The following KLHDC4 variants were observed in gnomAD, a reference collection of about 807,000 sequenced individuals.
KLHDC4 encodes the protein kelch domain-containing protein 4.
KLHDC4 carries 90 observed loss-of-function variants against 62.4 expected under a neutral mutation model. That is an observed-to-expected ratio of 1.44 (90% CI 1.22 to 1.72). KLHDC4 has a LOEUF of 1.72. Ranked by LOEUF, KLHDC4 falls within the 40% of genes most tolerant of loss-of-function variation. KLHDC4 has a pLI of 0.00. For missense variants in KLHDC4, 1,025 were observed against 699.7 expected (o/e 1.47, Z -5.25); for synonymous variants, 386 against 284.4 (o/e 1.36, Z -3.59).
At chr16:87,753,979 A>G (rs931361358) in intron 4 of KLHDC4, among the ~76,000 whole-genome samples, 12 of 150,836 alleles carry the variant, frequency 8.0e-5, no homozygotes, top group Non-Finnish European at 1.2e-4. Flanking sequence ...TCAAAAAAAA[A>G]AAAAAAAAAA....
intron 5 of KLHDC4, chr16:87,740,789 C>G (rs900608128): frequency 6.6e-6 from 1 of 152,306 alleles, no homozygotes; most frequent in Non-Finnish European, 1.5e-5. Context: ...CTGAGCACAG[C>G]TCCTGCTGTT....
chr16:87,745,702 G>T (rs190089861), intron 5 of KLHDC4, among the ~76,000 whole-genome samples: 1 of 152,192 alleles, frequency 6.6e-6, no homozygotes, highest in African/African-American at 2.4e-5. Context: ...GGGTGGGAGA[G>T]GGCAGGCTGA....
chr16:87,763,086 T>C (rs568962511), intron 1 of KLHDC4, among the ~76,000 whole-genome samples: 4 of 152,284 alleles, frequency 2.6e-5, no homozygotes, highest in South Asian at 4.1e-4. Context: ...TTCTAAACGA[T>C]GCAATATTTA....
exon 1 of KLHDC4, chr16:87,699,328 G>A (rs1255837279): frequency 6.6e-6 from 1 of 152,250 alleles, no homozygotes; most frequent in Non-Finnish European, 1.5e-5. Context: ...TTACCTCACA[G>A]GATTCCCAAA....
exon 1 of KLHDC4, chr16:87,700,939 C>G (rs1250012783): frequency 8.1e-6 from 2 of 246,126 alleles, no homozygotes; most frequent in African/African-American, 4.8e-5. Context: ...TGGTTGGCTT[C>G]TCTCGCGCCC....
In KLHDC4 at chr16:87,730,642, G is replaced by C; in HGVS notation, c.509C>G (p.Ser170Ter). The change falls in exon 6 of 12, where the codon TCA becomes TGA. Residue 170 changes from serine (S) to a stop codon, truncating the protein, a stop_gained and splice_region_variant. Transcript: ENST00000270583. LOFTEE classifies it high-confidence loss of function. ...LATKTWEQVK[S>*]TGGPSGRSGH... ...ACTCCGACCCGAAGGACCGCCTGTT[G>C]ATCTAAAATGAAATAAACAAAAAGA... 6.2e-7 allele frequency: 1 copy of C among 1,611,740 alleles called. No individual in the cohort carries two copies. The highest frequency in any genetic ancestry group is 1.1e-5 in the South Asian group (1 of 90,492).
intron 7 of KLHDC4, among the ~76,000 whole-genome samples, chr16:87,719,224 G>A (rs1440686471): frequency 6.6e-6 from 1 of 152,270 alleles, no homozygotes; most frequent in South Asian, 2.1e-4. Context: ...TTGTCAAATA[G>A]AAAAGGGGGA....
intron 6 of KLHDC4, among the ~76,000 whole-genome samples, chr16:87,727,964 T>C (rs964484852): frequency 3.9e-5 from 6 of 152,084 alleles, no homozygotes; most frequent in African/African-American, 1.4e-4. Flanking sequence ...GGCAGGTAGA[T>C]CACTTGAGGC....
intron 4 of KLHDC4, among the ~76,000 whole-genome samples, chr16:87,753,701 T>C (rs2044386952): frequency 6.6e-6 from 1 of 151,680 alleles, no homozygotes; most frequent in Non-Finnish European, 1.5e-5. Flanking sequence ...CTTGGGAGGC[T>C]AAGGCAGGAG....
At chr16:87,763,745 T>C (rs1483544092) in intron 1 of KLHDC4, 2 of 152,280 alleles carry the variant, frequency 1.3e-5, no homozygotes, top group African/African-American at 2.4e-5. Flanking sequence ...TGCTGCTACT[T>C]AGAGCGGTCT....
chr16:87,730,608 C>A lies in KLHDC4; in HGVS notation c.543G>T (p.Arg181=). The change falls in exon 6 of 12, where the codon CGG becomes CGT. Residue 181 remains arginine (R), a synonymous_variant. Coordinates refer to ENST00000270583, the MANE Select transcript of KLHDC4 (RefSeq NM_017566.4). Reference sequence around the variant, plus strand: ...TCAATTGTCTCTTCCAGGCCACCATCCGATGTCCACTCCGACCCGAAGGAC... The same window carrying A: ...TCAATTGTCTCTTCCAGGCCACCATACGATGTCCACTCCGACCCGAAGGAC... ...TGGPSGRSGH[R]MVAWKRQLIL... is the part of the protein sequence containing the mutation. 4 of 1,613,562 alleles carry A rather than the reference C, an allele frequency of 2.5e-6. No individual in the cohort carries two copies. Among genetic ancestry groups the A allele is most frequent in the Non-Finnish European group, 3.4e-6 (4 of 1,179,946 alleles).
At chr16:87,736,371 C>G (rs2041310248) in intron 5 of KLHDC4, among the ~76,000 whole-genome samples, 1 of 152,220 alleles carries the variant, frequency 6.6e-6, no homozygotes, top group South Asian at 2.1e-4. Flanking sequence ...GGCAGCCCGA[C>G]AGCAGGACCA....
At chr16:87,701,837 C>T (rs1277714936) in exon 1 of KLHDC4, 3 of 456,580 alleles carry the variant, frequency 6.6e-6, no homozygotes, top group South Asian at 1.5e-5. Context: ...CACCACTGCT[C>T]GTTAACAGCT....
intron 5 of KLHDC4, chr16:87,747,809 C>G (rs1473481580): frequency 2.6e-5 from 4 of 152,352 alleles, no homozygotes; most frequent in Non-Finnish European, 5.9e-5. Context: ...GGAACTGGCT[C>G]ATTGTGACAT....
intron 4 of KLHDC4, among the ~76,000 whole-genome samples, chr16:87,751,451 G>A (rs2043921737): frequency 6.7e-6 from 1 of 149,544 alleles, no homozygotes; most frequent in Admixed American, 6.7e-5. Flanking sequence ...TCCAGCCCGG[G>A]CAACAGAGCA....
chr16:87,741,711 G>T (rs2042270182), intron 5 of KLHDC4, among the ~76,000 whole-genome samples: 1 of 152,068 alleles, frequency 6.6e-6, no homozygotes, highest in African/African-American at 2.4e-5. Context: ...ATAACAGGAG[G>T]GACTCTATTC....
intron 7 of KLHDC4, among the ~76,000 whole-genome samples, chr16:87,720,882 G>C (rs570566414): frequency 1.3e-5 from 2 of 152,288 alleles, no homozygotes; most frequent in East Asian, 3.9e-4. Context: ...CCAGCCCGGG[G>C]TCCCCACCGT....
downstream of KLHDC4, among the ~76,000 whole-genome samples, chr16:87,706,974 C>T (rs2034815035): frequency 1.3e-5 from 2 of 152,184 alleles, no homozygotes; most frequent in Non-Finnish European, 2.9e-5. Context: ...GGGAAGTCTC[C>T]CCACCACCCT....
At chr16:87,724,811 C>T (rs552257865) in intron 7 of KLHDC4, among the ~76,000 whole-genome samples, 1 of 152,284 alleles carries the variant, frequency 6.6e-6, no homozygotes, top group East Asian at 1.9e-4. Flanking sequence ...ACCCCAGGGC[C>T]CAGCAGCTCC....
Sources: gnomAD v4.1 joint callset for allele counts (sites outside exome capture counted in the v4.1 genomes callset) on GRCh38, gnomAD v4.1.1 for gene constraint, MANE v1.5 for transcripts, NCBI Gene and HGNC (gene_info 2026-07-23, HGNC 2026-07-21) for gene names.